GRM7: variants seen among roughly 807,000 people sequenced by gnomAD.
GRM7 encodes metabotropic glutamate receptor 7.
GRM7 carries 35 observed loss-of-function variants against 84.5 expected under a neutral mutation model. That is an observed-to-expected ratio of 0.41 (90% CI 0.32 to 0.55). GRM7 has a LOEUF of 0.55. Ranked by LOEUF, GRM7 falls within the 20% of genes least tolerant of loss-of-function variation. The pLI, the probability that GRM7 is intolerant of heterozygous loss-of-function variation, is 0.19. For synonymous variants in GRM7, 487 were observed against 455.1 expected (o/e 1.07, Z -0.89); for missense variants, 1,003 against 1,194.6 (o/e 0.84, Z 2.36).
chr3:6,923,646 G>A (rs1358521601), intron 1 of GRM7, among the ~76,000 whole-genome samples: 3 of 152,120 alleles, frequency 2.0e-5, no homozygotes, highest in Non-Finnish European at 4.4e-5. Flanking sequence ...ACTGACAGAT[G>A]GAATGGTTAA....
At chr3:7,317,083 A>G (rs531217768) in intron 4 of GRM7, among the ~76,000 whole-genome samples, 2 of 152,182 alleles carry the variant, frequency 1.3e-5, no homozygotes, top group Non-Finnish European at 2.9e-5. Flanking sequence ...TACTGCTGCG[A>G]AGTTAGGCAG....
At chr3:7,167,698 G>A (rs1021104380) in intron 2 of GRM7, among the ~76,000 whole-genome samples, 3 of 152,126 alleles carry the variant, frequency 2.0e-5, no homozygotes, top group Non-Finnish European at 2.9e-5. Context: ...GGCCGGGCAC[G>A]GGGGCTCACG....
In GRM7 at chr3:7,092,657, C is replaced by T. The variant is rs79774857; in HGVS notation, c.520-53795C>T. ...TGAGATCCTGAAGCAGTAGAGGGCT[C>T]CGGTATGCTCAAGTCAGAAGACCTG... On this transcript the variant is annotated intron_variant, in intron 1 of 9. Coordinates refer to ENST00000357716, the MANE Select transcript of GRM7 (RefSeq NM_000844.4). Among the ~76,000 whole-genome samples the T allele has an allele frequency of 6.8e-3, 1,034 of 151,998 alleles. 8 individuals carry two copies. The highest frequency in any genetic ancestry group is 0.022 in the South Asian group (104 of 4,794).
intron 4 of GRM7, among the ~76,000 whole-genome samples, chr3:7,397,409 T>C (rs1042075878): frequency 2.0e-5 from 3 of 152,110 alleles, no homozygotes; most frequent in African/African-American, 7.2e-5. Context: ...GTGAAAAGGG[T>C]AGCGGGGAGG....
At chr3:7,302,726 G>A (rs1700045492) in intron 3 of GRM7, among the ~76,000 whole-genome samples, 2 of 151,516 alleles carry the variant, frequency 1.3e-5, no homozygotes, top group African/African-American at 2.4e-5. Context: ...TTGATACCTT[G>A]TGGAAATCAA....
intron 8 of GRM7, among the ~76,000 whole-genome samples, chr3:7,624,080 C>T (rs1002372497): frequency 1.3e-5 from 2 of 152,066 alleles, no homozygotes; most frequent in Admixed American, 6.6e-5. Flanking sequence ...GAACTTAGGT[C>T]CTCTATAATA....
intron 4 of GRM7, among the ~76,000 whole-genome samples, chr3:7,355,785 A>G (rs1480206382): frequency 6.6e-6 from 1 of 152,144 alleles, no homozygotes; most frequent in Non-Finnish European, 1.5e-5. Flanking sequence ...CAAGCAAGTT[A>G]CATGAAGAAG....
chr3:7,488,448 G>T (rs1699401646), intron 7 of GRM7, among the ~76,000 whole-genome samples: 1 of 152,118 alleles, frequency 6.6e-6, no homozygotes, highest in African/African-American at 2.4e-5. Context: ...AGTCATGAGG[G>T]ATCTACTCTC....
chr3:7,678,226 A>C (rs1700216158), intron 8 of GRM7, among the ~76,000 whole-genome samples: 1 of 152,216 alleles, frequency 6.6e-6, no homozygotes, highest in Admixed American at 6.5e-5. Flanking sequence ...AAGTTGAAAA[A>C]AGAAAACATA....
intron 7 of GRM7, among the ~76,000 whole-genome samples, chr3:7,567,050 T>C (rs551850135): frequency 6.6e-6 from 1 of 152,350 alleles, no homozygotes; most frequent in South Asian, 2.1e-4. Context: ...GTTCTTGATG[T>C]ATAATTTAAC....
intron 9 of GRM7, among the ~76,000 whole-genome samples, chr3:7,692,719 C>T (rs569615678): frequency 6.6e-6 from 1 of 152,150 alleles, no homozygotes; most frequent in Non-Finnish European, 1.5e-5. Flanking sequence ...GTAACACACA[C>T]CAATGAGTGG....
chr3:7,375,216 T>C (rs996788881), intron 4 of GRM7, among the ~76,000 whole-genome samples: 2,188 of 141,880 alleles, frequency 0.015, 61 homozygotes, highest in African/African-American at 0.051. Context: ...AACATCCCCT[T>C]TTTTTTTTTT....
intron 1 of GRM7, among the ~76,000 whole-genome samples, chr3:7,144,850 T>G (rs960704550): frequency 3.3e-5 from 5 of 152,150 alleles, no homozygotes; most frequent in Admixed American, 1.3e-4. Context: ...TCAGGAGACA[T>G]GCAGGCTTTC....
chr3:7,151,030 T>C lies in GRM7; in HGVS notation c.736+4362T>C, dbSNP rs1045091592. Among the ~76,000 whole-genome samples, 1 of 152,282 alleles carries C rather than the reference T, an allele frequency of 6.6e-6. No homozygotes were observed. The highest frequency in any genetic ancestry group is 1.5e-5 in the Non-Finnish European group (1 of 68,020). On this transcript the variant is annotated intron_variant, in intron 2 of 9. Coordinates refer to ENST00000357716, the MANE Select transcript of GRM7 (RefSeq NM_000844.4). This position sits in a 1 kb window ranked among gnomAD's most constrained non-coding sequence, Gnocchi z 4.5. The stretch of plus-strand genomic sequence containing the variant: ...GACTTCTCAAAACCTAAAAGATCTA[T>C]CCATTTGATATTTTACAGTGATCAC...
chr3:7,161,514 T>A (rs1694624936), intron 2 of GRM7, among the ~76,000 whole-genome samples: 1 of 152,098 alleles, frequency 6.6e-6, no homozygotes, highest in Non-Finnish European at 1.5e-5. Context: ...ACCAGTTCCT[T>A]CCTTAGAAGG....
chr3:7,529,907 C>G (rs62235175), intron 7 of GRM7, among the ~76,000 whole-genome samples: 1,945 of 80,388 alleles, frequency 0.024, 20 homozygotes, highest in Non-Finnish European at 0.03. Context: ...CTGTTAGGAC[C>G]TTTTCTTTTT....
chr3:7,666,697 T>C lies in GRM7; in HGVS notation c.2452-13352T>C, dbSNP rs557672751. On this transcript the variant is annotated intron_variant, in intron 8 of 9. Coordinates refer to ENST00000357716, the MANE Select transcript of GRM7 (RefSeq NM_000844.4). ...AACATATCTGAGACAGGTGAGGGCA[T>C]TGGGATGAGAAGGGAACAAATTACA... Among the ~76,000 whole-genome samples, 25 of 152,274 alleles carry C rather than the reference T, an allele frequency of 1.6e-4. 1 individual carries two copies. In the South Asian group the frequency reaches 4.4e-3, roughly 27 times the overall value.
intron 1 of GRM7, among the ~76,000 whole-genome samples, chr3:6,969,168 T>C (rs1417391448): frequency 6.6e-6 from 1 of 152,144 alleles, no homozygotes; most frequent in African/African-American, 2.4e-5. Flanking sequence ...TTTTTGTTAA[T>C]TTTTGTAATT....
rs528175796 is a variant in GRM7, at chr3:7,438,981, T to C, written c.1175-13626T>C. 5.9e-5 allele frequency among the ~76,000 whole-genome samples: 9 copies of C among 152,280 alleles called. No individual in the cohort carries two copies. In the South Asian group the frequency reaches 1.9e-3, roughly 32 times the overall value. Reference sequence around the variant, plus strand: ...TTATGAAGGCAACTCAATGTATAGATGTAGAATTCGGAAGTCTATATCGCA... The same window carrying C: ...TTATGAAGGCAACTCAATGTATAGACGTAGAATTCGGAAGTCTATATCGCA... On this transcript the variant is annotated intron_variant, in intron 5 of 9. Coordinates refer to ENST00000357716, the MANE Select transcript of GRM7 (RefSeq NM_000844.4).
Sources: allele counts gnomAD v4.1 joint callset (sites outside exome capture counted in the v4.1 genomes callset), GRCh38; gene constraint gnomAD v4.1.1; non-coding constraint Gnocchi (gnomAD v3.1); transcripts MANE v1.5; gene names NCBI Gene and HGNC (gene_info 2026-07-23, HGNC 2026-07-21).